PARD3: variants seen among roughly 807,000 people sequenced by gnomAD.
PARD3 encodes par-3 family cell polarity regulator, also known as partitioning defective 3 homolog.
Under a neutral mutation model 155.4 loss-of-function variants are expected in PARD3, and 75 were observed. That is an observed-to-expected ratio of 0.48 (90% confidence interval 0.40 to 0.58). The LOEUF (loss-of-function observed/expected upper bound fraction) is 0.58. PARD3 is among the 20% of genes least tolerant of loss of function. The probability of loss-of-function intolerance (pLI) is 0.00; values close to 1 mark genes in which losing one functional copy is unlikely to be tolerated. For synonymous variants in PARD3, 576 were observed against 610.5 expected (o/e 0.94, Z 0.83); for missense variants, 1,642 against 1,721.7 (o/e 0.95, Z 0.82).
Position 34,156,902 on chromosome 10 carries a change from A to G in PARD3, c.3420-25319T>C, listed in dbSNP as rs532036834. Among the ~76,000 whole-genome samples the G allele has an allele frequency of 4.4e-4, 67 of 152,354 alleles. 1 individual carries two copies. The South Asian group carries it at 0.014, about 32-fold the overall frequency. ...AGAAAAAAGGTAACCATGAAGGCTCATCCCACTCAATTTATTCCTGTTGGC... is the reference window on the plus strand; with the variant it reads ...AGAAAAAAGGTAACCATGAAGGCTCGTCCCACTCAATTTATTCCTGTTGGC... On this transcript the variant is annotated intron_variant, in intron 22 of 24. Transcript: ENST00000374788.
At chr10:34,752,455 T>C (rs1464346424) in intron 1 of PARD3, among the ~76,000 whole-genome samples, 1 of 151,826 alleles carries the variant, frequency 6.6e-6, no homozygotes. Context: ...ACTAACACAG[T>C]CAGCCTTTTA....
intron 20 of PARD3, among the ~76,000 whole-genome samples, chr10:34,309,455 G>A (rs1248064263): frequency 1.3e-5 from 2 of 149,208 alleles, no homozygotes; most frequent in African/African-American, 2.5e-5. Flanking sequence ...CTACTGGGAA[G>A]GCTGAGGTGG....
chr10:34,154,174 T>TAAG (rs1407213461), intron 22 of PARD3, among the ~76,000 whole-genome samples: 1 of 152,208 alleles, frequency 6.6e-6, no homozygotes, highest in Non-Finnish European at 1.5e-5. Context: ...ATAAAGCAAT[T>TAAG]AGAGTTTTCT....
chr10:34,411,564 C>A (rs762306640), intron 5 of PARD3, among the ~76,000 whole-genome samples: 9 of 152,088 alleles, frequency 5.9e-5, no homozygotes, highest in Non-Finnish European at 1.0e-4. Flanking sequence ...ATCAGATCTT[C>A]TGGGGGACTA....
At chr10:34,588,418 A>T (rs559030057) in intron 2 of PARD3, among the ~76,000 whole-genome samples, 4 of 152,312 alleles carry the variant, frequency 2.6e-5, no homozygotes, top group Non-Finnish European at 5.9e-5. Flanking sequence ...ATTTAAACAA[A>T]GCTTCTCTTC....
At chr10:34,363,460 T>C (rs1167998766) in intron 12 of PARD3, among the ~76,000 whole-genome samples, 1 of 152,220 alleles carries the variant, frequency 6.6e-6, no homozygotes, top group African/African-American at 2.4e-5. Flanking sequence ...TTAATCCATT[T>C]GGCTTTTGAC....
intron 22 of PARD3, among the ~76,000 whole-genome samples, chr10:34,197,106 G>A (rs1000591958): frequency 2.6e-5 from 4 of 152,128 alleles, no homozygotes; most frequent in African/African-American, 9.7e-5. Context: ...AAATTAATAT[G>A]AAGAATGCAG....
At position 34,198,252 on chromosome 10, in the gene PARD3, T is replaced by A. The variant is rs559974685; in HGVS notation, c.3420-66669A>T. Among the ~76,000 whole-genome samples, 337 of 152,304 alleles carry A rather than the reference T, an allele frequency of 2.2e-3. 3 individuals are homozygous for A. Among genetic ancestry groups the A allele is most frequent in the African/African-American group, 7.7e-3 (320 of 41,560 alleles). On this transcript the variant is annotated intron_variant, in intron 22 of 24. Transcript: ENST00000374788. Reference sequence around the variant, plus strand: ...TAAATTCAGGATAATGCAGCTATTTTAAAAAGAAGATAAAAATCACACATA... The same window carrying A: ...TAAATTCAGGATAATGCAGCTATTTAAAAAAGAAGATAAAAATCACACATA...
At chr10:34,372,897 A>T (rs947486187) in intron 11 of PARD3, among the ~76,000 whole-genome samples, 1 of 152,158 alleles carries the variant, frequency 6.6e-6, no homozygotes. Flanking sequence ...TAAGGTATAG[A>T]ATCATTTGAT....
intron 1 of PARD3, among the ~76,000 whole-genome samples, chr10:34,807,539 G>A (rs1413419073): frequency 1.3e-5 from 2 of 152,090 alleles, no homozygotes; most frequent in East Asian, 3.9e-4. Context: ...CCCAGTCCTA[G>A]CGGAACACCA....
At chr10:34,800,976 C>T (rs905265110) in intron 1 of PARD3, among the ~76,000 whole-genome samples, 2 of 152,180 alleles carry the variant, frequency 1.3e-5, no homozygotes, top group African/African-American at 4.8e-5. Flanking sequence ...ACTCTTCTGC[C>T]TCGGACTAAA....
chr10:34,438,014 G>C (rs954807864), intron 5 of PARD3, among the ~76,000 whole-genome samples: 3 of 152,132 alleles, frequency 2.0e-5, no homozygotes, highest in African/African-American at 4.8e-5. Context: ...GCTCATAGCA[G>C]CTCTTACCCT....
At chr10:34,510,813 T>C (rs1396910090) in intron 3 of PARD3, among the ~76,000 whole-genome samples, 1 of 152,186 alleles carries the variant, frequency 6.6e-6, no homozygotes, top group African/African-American at 2.4e-5. Context: ...AAGAAAATTC[T>C]AGAGATATTG....
intron 5 of PARD3, among the ~76,000 whole-genome samples, chr10:34,440,593 C>G (rs2076412099): frequency 6.6e-6 from 1 of 152,082 alleles, no homozygotes; most frequent in African/African-American, 2.4e-5. Flanking sequence ...ACAGACTTCC[C>G]CTGAAGGTTA....
intron 1 of PARD3, among the ~76,000 whole-genome samples, chr10:34,814,523 C>G (rs1421030540): frequency 6.6e-6 from 1 of 152,212 alleles, no homozygotes; most frequent in East Asian, 1.9e-4. Flanking sequence ...CCTGCGCCCC[C>G]CGCGCGCTGG....
At chr10:34,547,633 G>C (rs750923316) in intron 2 of PARD3, among the ~76,000 whole-genome samples, 1 of 152,170 alleles carries the variant, frequency 6.6e-6, no homozygotes, top group Non-Finnish European at 1.5e-5. Context: ...GTGAGTTCCC[G>C]ATAGGACAGG....
intron 1 of PARD3, among the ~76,000 whole-genome samples, chr10:34,762,300 G>C (rs1383843482): frequency 2.6e-4 from 39 of 151,650 alleles, no homozygotes; most frequent in African/African-American, 8.0e-4. Context: ...CAGAGAGAGA[G>C]AGAGAGAGAG....
intron 2 of PARD3, among the ~76,000 whole-genome samples, chr10:34,617,660 T>G (rs1334808845): frequency 1.3e-5 from 2 of 152,114 alleles, no homozygotes; most frequent in African/African-American, 4.8e-5. Flanking sequence ...GATAACACAG[T>G]ATTTGGTCCA....
At chr10:34,238,641 A>T (rs1953386552) in intron 22 of PARD3, among the ~76,000 whole-genome samples, 1 of 152,198 alleles carries the variant, frequency 6.6e-6, no homozygotes, top group Non-Finnish European at 1.5e-5. Flanking sequence ...AATGCTTTTT[A>T]AAAAACCATG....
Sources: gnomAD v4.1 joint callset for allele counts (sites outside exome capture counted in the v4.1 genomes callset) on GRCh38, gnomAD v4.1.1 for gene constraint, MANE v1.5 for transcripts, NCBI Gene and HGNC (gene_info 2026-07-23, HGNC 2026-07-21) for gene names.